The following PTPRJ variants were observed in gnomAD, a reference collection of about 807,000 sequenced individuals.
PTPRJ encodes protein tyrosine phosphatase receptor type J.
PTPRJ carries 129 observed loss-of-function variants against 141.3 expected under a neutral mutation model. That is an observed-to-expected ratio of 0.91 (90% CI 0.79 to 1.06). The LOEUF (loss-of-function observed/expected upper bound fraction) is 1.06. Among genes scored for constraint, PTPRJ ranks in the 50% least tolerant of loss-of-function variants. The probability of loss-of-function intolerance (pLI) is 0.00; values close to 1 mark genes in which losing one functional copy is unlikely to be tolerated. For missense variants in PTPRJ, 1,601 were observed against 1,679.7 expected (o/e 0.95, Z 0.82); for synonymous variants, 610 against 640.5 (o/e 0.95, Z 0.72).
chr11:48,119,477 C>A (rs1565311884), intron 3 of PTPRJ, among the ~76,000 whole-genome samples: 1 of 152,212 alleles, frequency 6.6e-6, no homozygotes, highest in Non-Finnish European at 1.5e-5. Context: ...TGGTTCACTG[C>A]AAACTCTGCC....
At chr11:47,992,921 A>G (rs1854234726) in intron 1 of PTPRJ, among the ~76,000 whole-genome samples, 1 of 152,226 alleles carries the variant, frequency 6.6e-6, no homozygotes, top group Non-Finnish European at 1.5e-5. Context: ...ACCTGTTGCC[A>G]GAAAACACTG....
At chr11:48,033,542 C>T (rs1311782176) in intron 1 of PTPRJ, among the ~76,000 whole-genome samples, 1 of 152,150 alleles carries the variant, frequency 6.6e-6, no homozygotes, top group Non-Finnish European at 1.5e-5. Context: ...TTGTTGACAT[C>T]TAATCTGTAT....
At chr11:48,154,898 G>C (rs1857564938) in intron 19 of PTPRJ, among the ~76,000 whole-genome samples, 3 of 152,102 alleles carry the variant, frequency 2.0e-5, no homozygotes, top group African/African-American at 7.2e-5. Context: ...GTGGGAGCTG[G>C]GAAGTGGGTG....
At chr11:47,999,682 G>A (rs1220082477) in intron 1 of PTPRJ, among the ~76,000 whole-genome samples, 1 of 152,078 alleles carries the variant, frequency 6.6e-6, no homozygotes, top group Non-Finnish European at 1.5e-5. Context: ...TTAATATGTA[G>A]CCAGGGTTGA....
At chr11:48,058,233 A>G (rs1484974956) in intron 1 of PTPRJ, among the ~76,000 whole-genome samples, 1 of 151,832 alleles carries the variant, frequency 6.6e-6, no homozygotes, top group Non-Finnish European at 1.5e-5. Context: ...CAAAACCAAA[A>G]CCAAAAGAGA....
intron 11 of PTPRJ, among the ~76,000 whole-genome samples, chr11:48,141,908 AT>A (rs1403256384): frequency 2.7e-5 from 4 of 147,420 alleles, no homozygotes; most frequent in Admixed American, 6.8e-5. Context: ...ACCATTGTAA[AT>A]ACTATGTCAA....
At chr11:48,037,407 C>T (rs771286334) in intron 1 of PTPRJ, among the ~76,000 whole-genome samples, 21 of 152,092 alleles carry the variant, frequency 1.4e-4, no homozygotes, top group African/African-American at 3.6e-4. Flanking sequence ...AGAGAGATGC[C>T]GTGGTCAGGA....
At chr11:48,139,155 G>A (rs894415007) in intron 10 of PTPRJ, among the ~76,000 whole-genome samples, 5 of 152,162 alleles carry the variant, frequency 3.3e-5, no homozygotes, top group African/African-American at 1.2e-4. Flanking sequence ...GGGTCCTCAT[G>A]ATGAGATGGT....
chr11:48,107,231 A>G (rs1856315678), intron 1 of PTPRJ, among the ~76,000 whole-genome samples: 1 of 151,848 alleles, frequency 6.6e-6, no homozygotes, highest in South Asian at 2.1e-4. Flanking sequence ...TGGGACTGGC[A>G]GTGGTTTTTC....
chr11:48,153,998 C>G (rs1374758345), intron 19 of PTPRJ, 112 bp downstream of exon 19: 1 of 745,644 alleles, frequency 1.3e-6, no homozygotes, highest in African/African-American at 1.8e-5. Context: ...CACAACCATT[C>G]ATTAGTCACC....
At position 48,135,471 on chromosome 11, in the gene PTPRJ, C is replaced by G. The variant is rs529780168; in HGVS notation, c.1616-568C>G. Among the ~76,000 whole-genome samples, 941 of 139,108 alleles carry G rather than the reference C, an allele frequency of 6.8e-3. 5 individuals carry two copies. The highest frequency in any genetic ancestry group is 0.01 in the Non-Finnish European group (682 of 65,804). 91.3% of individuals were successfully genotyped at this position (139,108 alleles called of 152,430 possible). On this transcript the variant is annotated intron_variant, in intron 8 of 24. Coordinates refer to ENST00000418331, the MANE Select transcript of PTPRJ (RefSeq NM_002843.4). ...GGATTACAGGCGTGATCCACCGCGC[C>G]TGGCCTTTTTTTTTTTTTTTTTTTT... is the stretch of plus-strand genomic sequence containing the variant.
At chr11:48,058,798 G>A (rs117424611) in intron 1 of PTPRJ, among the ~76,000 whole-genome samples, 2,363 of 152,158 alleles carry the variant, frequency 0.016, 22 homozygotes, top group Non-Finnish European at 0.024. Flanking sequence ...TCAAAGCCCC[G>A]CAGTGATTCC....
chr11:48,136,094 G>T lies in PTPRJ; in HGVS notation c.1671G>T (p.Trp557Cys). The change falls in exon 9 of 25, where the codon TGG becomes TGT. Residue 557 changes from tryptophan to cysteine, a missense_variant. Physicochemically the swap from Trp to Cys is radical, Grantham distance 215. Coordinates refer to ENST00000418331, the MANE Select transcript of PTPRJ (RefSeq NM_002843.4). ...HVVYVTTTEMWLDWKSPDGAS... is the reference protein window; with the variant it reads ...HVVYVTTTEMCLDWKSPDGAS... ...TCTACGTCACCACCACGGAGATGTG[G>T]CTGGACTGGAAGAGCCCTGACGGTG... is the stretch of plus-strand genomic sequence containing the variant. The T allele has an allele frequency of 6.2e-7, 1 of 1,614,172 alleles. No homozygotes were observed. Among genetic ancestry groups the T allele is most frequent in the South Asian group, 1.1e-5 (1 of 91,074 alleles).
intron 3 of PTPRJ, among the ~76,000 whole-genome samples, chr11:48,117,089 A>G (rs116296067): frequency 7.8e-4 from 119 of 152,320 alleles, no homozygotes; most frequent in African/African-American, 2.8e-3. Context: ...TTTTGTCACA[A>G]ATGCCCCTGA....
At chr11:48,166,350 G>A (rs1857917272) in intron 24 of PTPRJ, among the ~76,000 whole-genome samples, 1 of 150,010 alleles carries the variant, frequency 6.7e-6, no homozygotes, top group African/African-American at 2.5e-5. Flanking sequence ...GTCTTGCTCT[G>A]TTGCCCAGGC....
At chr11:48,025,890 T>C (rs1853795329) in intron 1 of PTPRJ, among the ~76,000 whole-genome samples, 1 of 152,192 alleles carries the variant, frequency 6.6e-6, no homozygotes, top group Admixed American at 6.5e-5. Flanking sequence ...CAAGACATGC[T>C]GCACTTTCTT....
rs1217187387 is a variant in PTPRJ at position 48,046,912 on chromosome 11, A to ATTT, written c.97-63127_97-63125dup. 2.4e-3 allele frequency among the ~76,000 whole-genome samples: 177 copies of ATTT among 74,166 alleles called. 1 individual carries two copies. Among genetic ancestry groups the ATTT allele is most frequent in the Non-Finnish European group, 2.7e-3 (119 of 43,620 alleles). 48.7% of individuals were successfully genotyped at this position (74,166 alleles called of 152,430 possible). The stretch of plus-strand genomic sequence containing the variant: ...TACATATATATATATATATATATAT[A>ATTT]TTTTTTTTTTTTTTTTTTTTTGAGA... On this transcript the variant is annotated intron_variant, in intron 1 of 24. Transcript: ENST00000418331.
At chr11:47,981,067 T>A (rs1367166003) in intron 1 of PTPRJ, 59 bp downstream of exon 1, 1 of 1,197,002 alleles carries the variant, frequency 8.4e-7, no homozygotes, top group Non-Finnish European at 1.0e-6. Context: ...TGGCATTGAC[T>A]GCACCTGCCC....
chr11:48,020,683 G>A (rs1855093787), intron 1 of PTPRJ, among the ~76,000 whole-genome samples: 2 of 152,168 alleles, frequency 1.3e-5, no homozygotes, highest in African/African-American at 2.4e-5. Flanking sequence ...GCTGCCTGTC[G>A]ATTCCACAGT....
Sources: allele counts gnomAD v4.1 joint callset (sites outside exome capture counted in the v4.1 genomes callset), GRCh38; gene constraint gnomAD v4.1.1; transcripts MANE v1.5; gene names NCBI Gene and HGNC (gene_info 2026-07-23, HGNC 2026-07-21).